Variants in TBC1D8 observed in about 807,000 individuals in gnomAD.
The protein encoded by TBC1D8 is TBC1 domain family member 8.
In TBC1D8, 65 loss-of-function variants were observed where a neutral mutation model predicts 118.8. That is an observed-to-expected ratio of 0.55 (90% confidence interval 0.45 to 0.67). The LOEUF (loss-of-function observed/expected upper bound fraction) is 0.67, where lower values mean the gene tolerates loss of function less well. Ranked by LOEUF, TBC1D8 falls within the 30% of genes least tolerant of loss-of-function variation. The probability of loss-of-function intolerance (pLI) is 0.00; values close to 1 mark genes in which losing one functional copy is unlikely to be tolerated. For missense variants in TBC1D8, 1,376 were observed against 1,471.2 expected (o/e 0.94, Z 1.06); for synonymous variants, 566 against 595.8 (o/e 0.95, Z 0.73).
chr2:101,122,671 G>T (rs748768864), intron 1 of TBC1D8, among the ~76,000 whole-genome samples: 1 of 152,104 alleles, frequency 6.6e-6, no homozygotes, highest in Non-Finnish European at 1.5e-5. Flanking sequence ...TTGCATAAAT[G>T]TAATACTGTA....
chr2:101,018,364 T>G (rs966577665), intron 17 of TBC1D8: 1 of 157,892 alleles, frequency 6.3e-6, no homozygotes, highest in African/African-American at 2.4e-5. Context: ...TAAGTGCTTT[T>G]TTTTAAAAAG....
chr2:101,133,033 G>A (rs555463853), intron 1 of TBC1D8, among the ~76,000 whole-genome samples: 13 of 151,486 alleles, frequency 8.6e-5, no homozygotes, highest in Non-Finnish European at 1.5e-4. Flanking sequence ...GGTGGCGGGC[G>A]CCTGTAATCC....
At chr2:101,107,193 T>C (rs1460049418) in intron 1 of TBC1D8, among the ~76,000 whole-genome samples, 1 of 152,152 alleles carries the variant, frequency 6.6e-6, no homozygotes, top group Non-Finnish European at 1.5e-5. Context: ...CAGATGGTAA[T>C]GAACTAGAGT....
At chr2:101,096,438 A>AAC (rs1553417982) in intron 1 of TBC1D8, among the ~76,000 whole-genome samples, 14 of 149,636 alleles carry the variant, frequency 9.4e-5, no homozygotes, top group African/African-American at 3.2e-4. Flanking sequence ...AAAAAAAAAA[A>AAC]AAAAAAAAAC....
chr2:101,055,850 T>G (rs1453476475), intron 3 of TBC1D8, among the ~76,000 whole-genome samples: 1 of 152,060 alleles, frequency 6.6e-6, no homozygotes. Context: ...CATTTATAAT[T>G]CAAATCCCAG....
chr2:101,090,431 G>C, intron 1 of TBC1D8, 67 bp from the exon 2 acceptor site: 4 of 1,562,798 alleles, frequency 2.6e-6, no homozygotes, highest in South Asian at 2.3e-5. Flanking sequence ...ATGCGTGTGA[G>C]GCATGTGGTC....
chr2:101,017,649 G>T (rs1679754115), intron 17 of TBC1D8, among the ~76,000 whole-genome samples: 1 of 152,178 alleles, frequency 6.6e-6, no homozygotes. Flanking sequence ...GCTGTGCAAA[G>T]ATCTTGTGTA....
At chr2:101,131,338 A>C (rs6543020) in intron 1 of TBC1D8, among the ~76,000 whole-genome samples, 100,819 of 151,722 alleles carry the variant, frequency 0.66, 33,816 homozygotes, top group East Asian at 0.79. Flanking sequence ...CAGGGAGAAA[A>C]CCCATCTCTA....
chr2:101,093,992 G>T (rs1461791593), intron 1 of TBC1D8, among the ~76,000 whole-genome samples: 2 of 152,032 alleles, frequency 1.3e-5, no homozygotes, highest in Admixed American at 1.3e-4. Context: ...CACCATGCCT[G>T]GCTGATTCTC....
chr2:101,121,216 T>C (rs886910118), intron 1 of TBC1D8, among the ~76,000 whole-genome samples: 4 of 152,180 alleles, frequency 2.6e-5, no homozygotes, highest in African/African-American at 4.8e-5. Flanking sequence ...TATAAAGTAA[T>C]ATTCTATTCC....
At chr2:101,138,133 C>G (rs1678938218) in intron 1 of TBC1D8, among the ~76,000 whole-genome samples, 1 of 152,090 alleles carries the variant, frequency 6.6e-6, no homozygotes, top group South Asian at 2.1e-4. Flanking sequence ...TGGGAGATCT[C>G]TATCACGAGA....
At chr2:101,097,916 T>C (rs1676576471) in intron 1 of TBC1D8, among the ~76,000 whole-genome samples, 1 of 152,184 alleles carries the variant, frequency 6.6e-6, no homozygotes, top group South Asian at 2.1e-4. Context: ...CAGTATAGTA[T>C]TGTTTGAAGG....
Position 101,022,504 on chromosome 2 carries a change from G to A in TBC1D8, c.2538C>T (p.Ser846=). Reference sequence around the variant, plus strand: ...TGGGCCTGGGCTGCTCCCAGTAACAGCTCATCATATGTTCTCTCTTCAAAC... The same window carrying A: ...TGGGCCTGGGCTGCTCCCAGTAACAACTCATCATATGTTCTCTCTTCAAAC... ...YDLFKREHMM[S]CYWEQPRPMA... is the part of the protein sequence containing the mutation. Residue 846 remains serine (S), a synonymous_variant, in exon 16 of 20, where the codon AGC becomes AGT. Transcript: ENST00000409318. 1.9e-6 allele frequency: 3 copies of A among 1,595,478 alleles called. No individual in the cohort carries two copies. Among genetic ancestry groups the A allele is most frequent in the Non-Finnish European group, 1.7e-6 (2 of 1,175,198 alleles).
intron 11 of TBC1D8, 140 bp from the exon 12 acceptor site, chr2:101,029,916 A>T: frequency 1.2e-6 from 1 of 832,168 alleles, no homozygotes; most frequent in Non-Finnish European, 1.8e-6. Flanking sequence ...TAGTTCATTG[A>T]TTCTGACTTT....
intron 5 of TBC1D8, among the ~76,000 whole-genome samples, chr2:101,045,712 G>A (rs1681657714): frequency 6.6e-6 from 1 of 152,140 alleles, no homozygotes; most frequent in African/African-American, 2.4e-5. Context: ...CCAGAGACCC[G>A]TGGCTGGGAG....
At chr2:101,042,417 G>A (rs1036134132) in intron 5 of TBC1D8, among the ~76,000 whole-genome samples, 1 of 152,096 alleles carries the variant, frequency 6.6e-6, no homozygotes, top group Non-Finnish European at 1.5e-5. Flanking sequence ...TTAAAGTCAG[G>A]AATATGAATT....
intron 2 of TBC1D8, among the ~76,000 whole-genome samples, chr2:101,077,499 G>A (rs557128309): frequency 6.5e-4 from 99 of 152,172 alleles, no homozygotes; most frequent in Non-Finnish European, 1.2e-3. Context: ...CACCCGCCTC[G>A]GCCTCCCAAA....
chr2:101,069,771 A>G (rs1286504304), intron 2 of TBC1D8, among the ~76,000 whole-genome samples: 1 of 152,204 alleles, frequency 6.6e-6, no homozygotes, highest in Non-Finnish European at 1.5e-5. Context: ...TAAACTTTGA[A>G]CCAAATTTTA....
At chr2:101,026,830 T>G (rs1284909736) in intron 15 of TBC1D8, among the ~76,000 whole-genome samples, 1 of 152,218 alleles carries the variant, frequency 6.6e-6, no homozygotes, top group Non-Finnish European at 1.5e-5. Context: ...TCTCATTAAC[T>G]ATATTAAGTT....
Sources: allele counts gnomAD v4.1 joint callset (sites outside exome capture counted in the v4.1 genomes callset), GRCh38; gene constraint gnomAD v4.1.1; transcripts MANE v1.5; gene names NCBI Gene and HGNC (gene_info 2026-07-23, HGNC 2026-07-21).